LARS2: variants seen among roughly 807,000 people sequenced by gnomAD.
The protein encoded by LARS2 is leucyl-tRNA synthetase 2, mitochondrial, also known as leucine--tRNA ligase, mitochondrial.
Under a neutral mutation model 116.6 loss-of-function variants are expected in LARS2, and 81 were observed. That is an observed-to-expected ratio of 0.69 (90% CI 0.58 to 0.84). The LOEUF (loss-of-function observed/expected upper bound fraction) is 0.84, where lower values mean the gene tolerates loss of function less well. LARS2 is among the 40% of genes least tolerant of loss of function. LARS2 has a pLI of 0.00. For missense variants in LARS2, 968 were observed against 1,114.5 expected (o/e 0.87, Z 1.87); for synonymous variants, 396 against 407.2 (o/e 0.97, Z 0.33).
chr3:45,534,742 C>T (rs945691330), intron 20 of LARS2, among the ~76,000 whole-genome samples: 4 of 152,222 alleles, frequency 2.6e-5, no homozygotes, highest in Non-Finnish European at 4.4e-5. Flanking sequence ...TTAGAGACGC[C>T]GAAAGTACTT....
At chr3:45,493,434 C>G (rs921171893) in intron 13 of LARS2, among the ~76,000 whole-genome samples, 1 of 152,180 alleles carries the variant, frequency 6.6e-6, no homozygotes, top group Non-Finnish European at 1.5e-5. Context: ...AGGCTGAGAG[C>G]TACTGAGCCA....
At chr3:45,542,101 C>A in intron 21 of LARS2, 145 bp downstream of exon 21, 4 of 994,226 alleles carry the variant, frequency 4.0e-6, no homozygotes, top group East Asian at 2.6e-5. Context: ...GACCGGAAGG[C>A]ACAAAGGCCT....
intron 19 of LARS2, among the ~76,000 whole-genome samples, chr3:45,521,450 A>G (rs1700454398): frequency 6.6e-6 from 1 of 152,224 alleles, no homozygotes; most frequent in Non-Finnish European, 1.5e-5. Flanking sequence ...AAATAAAATT[A>G]AAAGGGTAAT....
intron 15 of LARS2, among the ~76,000 whole-genome samples, chr3:45,511,934 C>T (rs1700298256): frequency 1.3e-5 from 2 of 152,108 alleles, no homozygotes; most frequent in African/African-American, 4.8e-5. Flanking sequence ...CGCCCCCACA[C>T]CTGGCCAACT....
chr3:45,505,959 G>A (rs922250366), intron 15 of LARS2, among the ~76,000 whole-genome samples: 4 of 152,022 alleles, frequency 2.6e-5, no homozygotes, highest in African/African-American at 9.7e-5. Flanking sequence ...ATTTTAAAAT[G>A]CAGTTTCAAA....
intron 15 of LARS2, among the ~76,000 whole-genome samples, chr3:45,507,763 A>G (rs1431674702): frequency 6.6e-6 from 1 of 152,058 alleles, no homozygotes; most frequent in Non-Finnish European, 1.5e-5. Context: ...AGACTTGAAA[A>G]ACTCATGCCA....
intron 3 of LARS2, among the ~76,000 whole-genome samples, chr3:45,395,791 T>A (rs1698033347): frequency 6.6e-6 from 1 of 152,152 alleles, no homozygotes; most frequent in African/African-American, 2.4e-5. Context: ...GAAAGATGAT[T>A]TTGGGCAATG....
chr3:45,454,830 T>C (rs9858131), intron 7 of LARS2, among the ~76,000 whole-genome samples: 133,218 of 151,898 alleles, frequency 0.88, 61,020 homozygotes, highest in East Asian at 1. Flanking sequence ...GACAGTTGTG[T>C]AAGAGAGGAG....
At chr3:45,478,413 G>A (rs1699649268) in intron 10 of LARS2, among the ~76,000 whole-genome samples, 1 of 152,214 alleles carries the variant, frequency 6.6e-6, no homozygotes, top group Non-Finnish European at 1.5e-5. Context: ...ATTAATAGGG[G>A]AGCTATGATT....
intron 15 of LARS2, among the ~76,000 whole-genome samples, chr3:45,505,572 T>C (rs901085980): frequency 6.6e-6 from 1 of 151,112 alleles, no homozygotes; most frequent in Non-Finnish European, 1.5e-5. Context: ...ACACTTGTAG[T>C]CCCAGCTACT....
intron 9 of LARS2, among the ~76,000 whole-genome samples, chr3:45,475,622 A>G (rs1312429864): frequency 6.6e-6 from 1 of 152,190 alleles, no homozygotes; most frequent in Non-Finnish European, 1.5e-5. Context: ...TTCTTTGCCC[A>G]ACATTTTACT....
intron 20 of LARS2, among the ~76,000 whole-genome samples, chr3:45,531,559 C>T (rs2578671): frequency 0.88 from 131,396 of 149,448 alleles, 60,032 homozygotes; most frequent in East Asian, 1. Flanking sequence ...TGTATTTTTT[C>T]TTTTTATAGA....
At chr3:45,406,697 A>G (rs1045004567) in intron 4 of LARS2, among the ~76,000 whole-genome samples, 8 of 152,216 alleles carry the variant, frequency 5.3e-5, no homozygotes, top group Admixed American at 3.9e-4. Flanking sequence ...TAAAAACAAT[A>G]TGTAATTTTC....
chr3:45,466,189 A>G (rs1699421898), intron 8 of LARS2, among the ~76,000 whole-genome samples: 1 of 152,194 alleles, frequency 6.6e-6, no homozygotes, highest in Non-Finnish European at 1.5e-5. Flanking sequence ...GGCCTTTTTG[A>G]GCTCCTGTTT....
At chr3:45,519,506 AG>A (rs1700419996) in intron 18 of LARS2, among the ~76,000 whole-genome samples, 1 of 149,008 alleles carries the variant, frequency 6.7e-6, no homozygotes. Flanking sequence ...AAAAAAAAAA[AG>A]TAAAATTAAC....
At chr3:45,424,217 ATT>A (rs2125690536) in intron 6 of LARS2, among the ~76,000 whole-genome samples, 1 of 152,348 alleles carries the variant, frequency 6.6e-6, no homozygotes, top group African/African-American at 2.4e-5. Context: ...CAATAAACGC[ATT>A]GTTAAGTTGA....
At chr3:45,430,001 C>CCCTT (rs1698666371) in intron 6 of LARS2, among the ~76,000 whole-genome samples, 1 of 58,938 alleles carries the variant, frequency 1.7e-5, no homozygotes, top group Non-Finnish European at 3.8e-5. Context: ...CATGCCCAGC[C>CCCTT]TCTTTTTTTT....
intron 12 of LARS2, 62 bp from the exon 13 acceptor site, chr3:45,491,455 G>T: frequency 6.5e-7 from 1 of 1,547,522 alleles, no homozygotes; most frequent in Non-Finnish European, 8.8e-7. Flanking sequence ...ACTGGTGGCA[G>T]CATCAGGGTG....
chr3:45,394,404 C>T (rs1698008499), intron 2 of LARS2, 29 bp from the exon 3 acceptor site: 2 of 1,342,404 alleles, frequency 1.5e-6, no homozygotes, highest in South Asian at 1.2e-5. Context: ...TGAGGCAGCT[C>T]ATAGTGTGCT....
Sources: gnomAD v4.1 joint callset for allele counts (sites outside exome capture counted in the v4.1 genomes callset) on GRCh38, gnomAD v4.1.1 for gene constraint, MANE v1.5 for transcripts, NCBI Gene and HGNC (gene_info 2026-07-23, HGNC 2026-07-21) for gene names.